TMEM144: variants seen among roughly 807,000 people sequenced by gnomAD.
TMEM144 encodes transmembrane protein 144.
In TMEM144, 39 loss-of-function variants were observed where a neutral mutation model predicts 43.6. That is an observed-to-expected ratio of 0.90 (90% CI 0.69 to 1.17). TMEM144 has a LOEUF of 1.17. Among genes scored for constraint, TMEM144 ranks in the 50% most tolerant of loss-of-function variants. The probability of loss-of-function intolerance (pLI) is 0.00; values close to 1 mark genes in which losing one functional copy is unlikely to be tolerated. For missense variants in TMEM144, 417 were observed against 411.9 expected, an observed-to-expected ratio of 1.01 and a Z score of -0.11; for synonymous variants, 154 against 133.6, an observed-to-expected ratio of 1.15 and a Z score of -1.06.
intron 7 of TMEM144, chr4:158,235,199 G>A: frequency 2.2e-6 from 1 of 448,814 alleles, no homozygotes; most frequent in Non-Finnish European, 4.0e-6. Context: ...TATCACAATA[G>A]CCACATATTA....
rs555583873 is a variant in TMEM144 at position 158,219,253 on chromosome 4, C to T, written c.333-57C>T. ...CTGGCCCCTAGTCCATGCCCTTAAA[C>T]ATTATGGTGAAACATCTTAACAATA... On this transcript the variant is annotated intron_variant, in intron 5 of 12. Coordinates refer to ENST00000296529, the MANE Select transcript of TMEM144 (RefSeq NM_018342.5). The T allele has an allele frequency of 2.6e-6, 4 of 1,568,252 alleles. No homozygotes were observed. In the East Asian group the frequency reaches 6.7e-5, roughly 26 times the overall value.
intron 6 of TMEM144, among the ~76,000 whole-genome samples, chr4:158,224,252 A>T (rs940724532): frequency 6.6e-6 from 1 of 151,708 alleles, no homozygotes; most frequent in Non-Finnish European, 1.5e-5. Context: ...TTTTTGATGG[A>T]GTTGTTTGTT....
chr4:158,251,264 C>G (rs536056747), intron 12 of TMEM144, among the ~76,000 whole-genome samples: 1 of 152,312 alleles, frequency 6.6e-6, no homozygotes, highest in East Asian at 1.9e-4. Context: ...TGGATTCAGA[C>G]TCTCCTGATG....
rs1379747418 is a variant in TMEM144, at chr4:158,253,507, ACTG to A, written c.1021_1023del (p.Ala341del). The A allele has an allele frequency of 6.2e-7, 1 of 1,613,650 alleles. No homozygotes were observed. Among genetic ancestry groups the A allele is most frequent in the African/African-American group, 1.3e-5 (1 of 74,906 alleles). On this transcript the variant is annotated inframe_deletion, in exon 13 of 13. Coordinates refer to ENST00000296529, the MANE Select transcript of TMEM144 (RefSeq NM_018342.5). ...CATCATCTTGACTGGAGCCTTATGC[ACTG>A]CTTTTTCTAAAATCTAACAATGACA...
intron 8 of TMEM144, among the ~76,000 whole-genome samples, chr4:158,236,270 A>C (rs1028488823): frequency 6.9e-6 from 1 of 145,950 alleles, no homozygotes; most frequent in African/African-American, 2.4e-5. Context: ...TATTTGAATA[A>C]TTTGAATGAA....
At chr4:158,212,923 C>T (rs1734033234) in intron 3 of TMEM144, 147 bp downstream of exon 3, 2 of 695,390 alleles carry the variant, frequency 2.9e-6, no homozygotes, top group Non-Finnish European at 5.0e-6. Flanking sequence ...TTTGACAGTG[C>T]TCATACCAGT....
intron 3 of TMEM144, among the ~76,000 whole-genome samples, chr4:158,214,243 G>A (rs1174561943): frequency 2.6e-5 from 4 of 152,042 alleles, no homozygotes; most frequent in African/African-American, 9.7e-5. Context: ...TCAAGGGCTG[G>A]TCTCGAACTC....
chr4:158,212,962 T>C (rs1458345170), intron 3 of TMEM144, 186 bp downstream of exon 3: 2 of 617,120 alleles, frequency 3.2e-6, no homozygotes, highest in African/African-American at 3.7e-5. Context: ...AGGAGAACCA[T>C]TAAGGTTGTT....
intron 6 of TMEM144, among the ~76,000 whole-genome samples, chr4:158,223,567 A>G (rs147981878): frequency 3.2e-3 from 481 of 152,132 alleles, no homozygotes; most frequent in African/African-American, 0.011. Context: ...CCCCTTGCCC[A>G]CCACCCTCCA....
chr4:158,212,730 G>T lies in TMEM144; in HGVS notation c.63G>T (p.Leu21Phe), dbSNP rs1734020964. 1.9e-6 allele frequency: 3 copies of T among 1,613,742 alleles called. No homozygotes were observed. Among genetic ancestry groups the T allele is most frequent in the Non-Finnish European group, 2.5e-6 (3 of 1,179,852 alleles). ...TCTCCTGTTTTGTAGCTATCCTTTT[G>T]TTTGGCTCAAATTTTGTGCCACTTA... The part of the protein sequence containing the change: ...GYISCFVAIL[L>F]FGSNFVPLKK... The change falls in exon 3 of 13, where the codon TTG (leucine) becomes TTT (phenylalanine). Residue 21 changes from leucine to phenylalanine, a missense_variant. Transcript: ENST00000296529.
Position 158,237,634 on chromosome 4 carries a change from A to G in TMEM144, c.673A>G (p.Ser225Gly), listed in dbSNP as rs1157621996. ...AAATGATAGTATATATGCAGGGGCA[A>G]GCCAATATGGTGAGAATAAAAAGTT... is the stretch of plus-strand genomic sequence containing the variant. ...KRNDSIYAGA[S>G]QYDLDYVFAH... Residue 225 changes from serine (S) to glycine (G), a missense_variant, in exon 9 of 13, where the codon AGC becomes GGC. Transcript: ENST00000296529. 1.2e-6 allele frequency: 2 copies of G among 1,604,808 alleles called. No individual in the cohort carries two copies. Among genetic ancestry groups the G allele is most frequent in the South Asian group, 1.1e-5 (1 of 90,224 alleles).
chr4:158,219,533 T>C, intron 6 of TMEM144, 143 bp downstream of exon 6: 1 of 887,624 alleles, frequency 1.1e-6, no homozygotes, highest in East Asian at 2.7e-5. Flanking sequence ...TTACAATGAC[T>C]GGTTTTAGAG....
intron 6 of TMEM144, among the ~76,000 whole-genome samples, chr4:158,220,868 C>T (rs1342971685): frequency 2.0e-5 from 3 of 152,128 alleles, no homozygotes; most frequent in Non-Finnish European, 4.4e-5. Context: ...AGAACTCTTC[C>T]CGTAGTGCAT....
chr4:158,222,615 C>G (rs1211018583), intron 6 of TMEM144, among the ~76,000 whole-genome samples: 1 of 152,136 alleles, frequency 6.6e-6, no homozygotes, highest in Non-Finnish European at 1.5e-5. Context: ...TTATACAGTC[C>G]TCTTTATTCC....
chr4:158,246,959 G>C (rs747143920), intron 12 of TMEM144, among the ~76,000 whole-genome samples: 3 of 151,758 alleles, frequency 2.0e-5, no homozygotes, highest in Admixed American at 1.3e-4. Context: ...TAACCAAAAA[G>C]CCTAGTATTA....
chr4:158,216,331 G>C (rs961064009), intron 4 of TMEM144, among the ~76,000 whole-genome samples: 1 of 152,218 alleles, frequency 6.6e-6, no homozygotes, highest in Non-Finnish European at 1.5e-5. Flanking sequence ...GGACATAGCA[G>C]AATGGGAGGA....
chr4:158,248,427 A>T (rs1736003491), intron 12 of TMEM144, among the ~76,000 whole-genome samples: 1 of 152,314 alleles, frequency 6.6e-6, no homozygotes, highest in Non-Finnish European at 1.5e-5. Context: ...CTGTCTCAAA[A>T]TAACTAACCA....
At chr4:158,248,882 T>C (rs1736026764) in intron 12 of TMEM144, among the ~76,000 whole-genome samples, 1 of 152,198 alleles carries the variant, frequency 6.6e-6, no homozygotes, top group Non-Finnish European at 1.5e-5. Context: ...ATCAGTTGGA[T>C]GTTTTCATAC....
intron 6 of TMEM144, among the ~76,000 whole-genome samples, chr4:158,220,837 G>A (rs1734473192): frequency 6.6e-6 from 1 of 152,068 alleles, no homozygotes; most frequent in East Asian, 1.9e-4. Flanking sequence ...ATTTGAACTT[G>A]GTCTGTAGCA....
Sources: allele counts gnomAD v4.1 joint callset (sites outside exome capture counted in the v4.1 genomes callset), GRCh38; gene constraint gnomAD v4.1.1; transcripts MANE v1.5; gene names NCBI Gene and HGNC (gene_info 2026-07-23, HGNC 2026-07-21).